The following HCN1 variants were observed in gnomAD, a reference collection of about 807,000 sequenced individuals.
The protein encoded by HCN1 is hyperpolarization activated cyclic nucleotide gated potassium channel 1, also known as potassium/sodium hyperpolarization-activated cyclic nucleotide-gated channel 1.
Under a neutral mutation model 78.9 loss-of-function variants are expected in HCN1, and 13 were observed. The observed-to-expected ratio is 0.16, with a 90% CI of 0.11 to 0.26. The LOEUF (loss-of-function observed/expected upper bound fraction) is 0.26. Ranked by LOEUF, HCN1 falls within the 10% of genes least tolerant of loss-of-function variation. HCN1 has a pLI of 1.00. For missense variants in HCN1, 810 were observed against 1,154.3 expected, an observed-to-expected ratio of 0.70 and a Z score of 4.32; for synonymous variants, 552 against 455.5, an observed-to-expected ratio of 1.21 and a Z score of -2.70.
At chr5:45,421,167 A>G (rs569142820) in intron 3 of HCN1, among the ~76,000 whole-genome samples, 390 of 151,702 alleles carry the variant, frequency 2.6e-3, no homozygotes, top group Non-Finnish European at 4.3e-3. Flanking sequence ...GGTTCACACC[A>G]TTCTCCTGCC....
intron 2 of HCN1, among the ~76,000 whole-genome samples, chr5:45,494,946 T>C (rs1301452164): frequency 1.0e-4 from 15 of 148,026 alleles, no homozygotes. Context: ...TCTGTTCTGT[T>C]CCATTGATCT....
At chr5:45,376,024 T>A (rs562287005) in intron 4 of HCN1, among the ~76,000 whole-genome samples, 1 of 115,224 alleles carries the variant, frequency 8.7e-6, no homozygotes, top group South Asian at 2.5e-4. Flanking sequence ...TCATATACAA[T>A]CTATAATATA....
intron 1 of HCN1, among the ~76,000 whole-genome samples, chr5:45,678,008 A>G (rs368171411): frequency 9.3e-6 from 1 of 107,118 alleles, no homozygotes; most frequent in African/African-American, 3.6e-5. Flanking sequence ...ACACACACAC[A>G]CACACATACA....
chr5:45,350,565 G>A (rs1190537277), intron 5 of HCN1, among the ~76,000 whole-genome samples: 1 of 151,230 alleles, frequency 6.6e-6, no homozygotes, highest in Non-Finnish European at 1.5e-5. Context: ...TATTCAATTA[G>A]GAAAAGAGGA....
chr5:45,593,370 A>ACACACC (rs1554034748), intron 2 of HCN1, among the ~76,000 whole-genome samples: 12 of 135,192 alleles, frequency 8.9e-5, no homozygotes, highest in African/African-American at 3.4e-4. Context: ...ACACACACAC[A>ACACACC]CCCCACATGT....
intron 2 of HCN1, among the ~76,000 whole-genome samples, chr5:45,517,611 A>G (rs1016611325): frequency 6.6e-6 from 1 of 151,770 alleles, no homozygotes; most frequent in South Asian, 2.1e-4. Context: ...ATCCTTATAA[A>G]TAGAAATGTC....
At chr5:45,407,407 G>T (rs181559165) in intron 3 of HCN1, among the ~76,000 whole-genome samples, 1 of 152,200 alleles carries the variant, frequency 6.6e-6, no homozygotes, top group African/African-American at 2.4e-5. Context: ...ACGAGTTTAT[G>T]TATTTAGTAT....
At position 45,261,767 on chromosome 5, in the gene HCN1, T is replaced by C. The variant is rs2111837669; in HGVS notation, c.*154A>G. On this transcript the variant is annotated 3_prime_UTR_variant, in exon 8 of 8. Coordinates refer to ENST00000303230, the MANE Select transcript of HCN1 (RefSeq NM_021072.4). ...AGATATATATTTTATAGTATATGTA[T>C]ATATATTTTTACATTTCACGTGTAG... The C allele has an allele frequency of 1.2e-6, 1 of 817,628 alleles. No individual in the cohort carries two copies. The highest frequency in any genetic ancestry group is 1.5e-5 in the South Asian group (1 of 67,712). The allele number at this position is 817,628 out of a possible 1,614,324, so 50.6% of individuals were successfully genotyped here.
At chr5:45,438,807 T>C (rs921888204) in intron 3 of HCN1, among the ~76,000 whole-genome samples, 4 of 152,078 alleles carry the variant, frequency 2.6e-5, no homozygotes, top group South Asian at 2.1e-4. Context: ...TCTTAACATA[T>C]AGTAAGCACA....
chr5:45,298,125 G>T (rs1347321641), intron 6 of HCN1, among the ~76,000 whole-genome samples: 1 of 151,984 alleles, frequency 6.6e-6, no homozygotes, highest in African/African-American at 2.4e-5. Flanking sequence ...TACCCAATAT[G>T]GCAGTACTGA....
chr5:45,346,476 C>G (rs140670024), intron 5 of HCN1, among the ~76,000 whole-genome samples: 2 of 152,118 alleles, frequency 1.3e-5, no homozygotes. Flanking sequence ...TCTGAGGTAC[C>G]GGGTTCATCT....
intron 2 of HCN1, among the ~76,000 whole-genome samples, chr5:45,590,579 C>T (rs1473981287): frequency 6.6e-6 from 1 of 152,098 alleles, no homozygotes; most frequent in African/African-American, 2.4e-5. Flanking sequence ...TATAATGACC[C>T]CTTTAGTATT....
At chr5:45,489,004 C>T (rs1015654809) in intron 2 of HCN1, among the ~76,000 whole-genome samples, 2 of 152,068 alleles carry the variant, frequency 1.3e-5, no homozygotes, top group South Asian at 2.1e-4. Flanking sequence ...AATCTTGTCC[C>T]GAAATATGAA....
intron 6 of HCN1, among the ~76,000 whole-genome samples, chr5:45,287,652 C>G (rs565297622): frequency 2.0e-5 from 3 of 152,100 alleles, no homozygotes; most frequent in East Asian, 1.9e-4. Flanking sequence ...GAGGTTATCT[C>G]TAGTTTTAAA....
At chr5:45,660,240 G>C (rs1483911734) in intron 1 of HCN1, among the ~76,000 whole-genome samples, 1 of 112,276 alleles carries the variant, frequency 8.9e-6, no homozygotes, top group Non-Finnish European at 1.8e-5. Flanking sequence ...ATACTTTATA[G>C]ACAAGCAAAT....
chr5:45,269,456 T>G (rs1414272274), intron 6 of HCN1, among the ~76,000 whole-genome samples: 1 of 152,206 alleles, frequency 6.6e-6, no homozygotes, highest in East Asian at 1.9e-4. Flanking sequence ...GGTCTTTCTC[T>G]TGTGTGTTGA....
chr5:45,391,762 G>A (rs1367186697), intron 4 of HCN1, among the ~76,000 whole-genome samples: 1 of 152,032 alleles, frequency 6.6e-6, no homozygotes, highest in Non-Finnish European at 1.5e-5. Flanking sequence ...AAAGCAGATT[G>A]AATATTTCAT....
chr5:45,625,996 G>A (rs891998323), intron 2 of HCN1, among the ~76,000 whole-genome samples: 8 of 152,170 alleles, frequency 5.3e-5, no homozygotes, highest in Admixed American at 2.0e-4. Context: ...GCCAGGAATT[G>A]TGTTCAGGTC....
At chr5:45,370,692 A>C (rs1054072513) in intron 4 of HCN1, among the ~76,000 whole-genome samples, 2 of 152,090 alleles carry the variant, frequency 1.3e-5, no homozygotes, top group Non-Finnish European at 2.9e-5. Context: ...CCAAACTATA[A>C]TGCCATAAGG....
Sources: gnomAD v4.1 joint callset for allele counts (sites outside exome capture counted in the v4.1 genomes callset) on GRCh38, gnomAD v4.1.1 for gene constraint, MANE v1.5 for transcripts, NCBI Gene and HGNC (gene_info 2026-07-23, HGNC 2026-07-21) for gene names.